PHLDB2: variants seen among roughly 807,000 people sequenced by gnomAD.
PHLDB2 encodes the protein pleckstrin homology-like domain family B member 2.
In PHLDB2, 71 loss-of-function variants were observed where a neutral mutation model predicts 123.6. The ratio of observed to expected loss-of-function variants is 0.57; its 90% CI spans 0.47 to 0.70. The LOEUF is 0.70. Among genes scored for constraint, PHLDB2 ranks in the 30% least tolerant of loss-of-function variants. PHLDB2 has a pLI of 0.00. For missense variants in PHLDB2, 1,446 were observed against 1,519.5 expected (o/e 0.95, Z 0.80); for synonymous variants, 547 against 541.6 (o/e 1.01, Z -0.14).
intron 1 of PHLDB2, among the ~76,000 whole-genome samples, chr3:111,830,507 C>CA (rs397990816): frequency 6.0e-5 from 7 of 115,854 alleles, no homozygotes; most frequent in African/African-American, 1.6e-4. Flanking sequence ...AGGAACATGG[C>CA]AAAAAAAAAA....
intron 1 of PHLDB2, among the ~76,000 whole-genome samples, chr3:111,875,419 G>T (rs75594083): frequency 0.12 from 17,965 of 151,766 alleles, 1,177 homozygotes; most frequent in East Asian, 0.16. Context: ...CAAAGTGCTG[G>T]GATTATAGGT....
At chr3:111,764,644 T>C (rs750396956) in intron 1 of PHLDB2, among the ~76,000 whole-genome samples, 1 of 152,214 alleles carries the variant, frequency 6.6e-6, no homozygotes, top group Non-Finnish European at 1.5e-5. Flanking sequence ...ATTTGTGTGA[T>C]GAAATAAAGG....
chr3:111,757,641 G>A (rs984295123), intron 1 of PHLDB2, among the ~76,000 whole-genome samples: 1 of 152,238 alleles, frequency 6.6e-6, no homozygotes, highest in Non-Finnish European at 1.5e-5. Context: ...TGGAGGAGGA[G>A]AGGCACTCTG....
At chr3:111,924,575 A>C (rs1271942172) in intron 5 of PHLDB2, among the ~76,000 whole-genome samples, 1 of 152,266 alleles carries the variant, frequency 6.6e-6, no homozygotes, top group Non-Finnish European at 1.5e-5. Context: ...CATCATGCCA[A>C]AGCGTAAGAC....
chr3:111,782,653 A>G (rs2060524857), intron 1 of PHLDB2, among the ~76,000 whole-genome samples: 1 of 151,994 alleles, frequency 6.6e-6, no homozygotes, highest in Non-Finnish European at 1.5e-5. Flanking sequence ...CTCCTGCTAG[A>G]GCTTCTTTCT....
intron 1 of PHLDB2, among the ~76,000 whole-genome samples, chr3:111,781,121 A>T (rs1344199669): frequency 2.0e-5 from 3 of 152,066 alleles, no homozygotes; most frequent in Admixed American, 6.6e-5. Flanking sequence ...TTATATTTCA[A>T]GTTGACCTCA....
intron 14 of PHLDB2, among the ~76,000 whole-genome samples, 191 bp downstream of exon 14, chr3:111,966,894 A>C (rs2071806828): frequency 6.6e-6 from 1 of 151,808 alleles, no homozygotes; most frequent in African/African-American, 2.4e-5. Context: ...ACTGCAGTGG[A>C]TTTTCCATAA....
rs1941574069 is a variant in PHLDB2, at chr3:111,733,507, G to A, written c.-49+804G>A. On this transcript the variant is annotated intron_variant, in intron 1 of 17. Coordinates refer to the PHLDB2 transcript ENST00000393923. ...CAAGACCCCCCTTCCCCAGCTCAAT[G>A]ATAAACAAACATGAGCAAAACTAAT... 1.3e-5 allele frequency among the ~76,000 whole-genome samples: 2 copies of A among 152,144 alleles called. 1 individual carries two copies. The highest frequency in any genetic ancestry group is 4.1e-4 in the South Asian group (2 of 4,822).
At chr3:111,970,667 T>A (rs543364697) in intron 16 of PHLDB2, among the ~76,000 whole-genome samples, 1 of 152,314 alleles carries the variant, frequency 6.6e-6, no homozygotes, top group African/African-American at 2.4e-5. Flanking sequence ...GAACCTCTTA[T>A]TTCCTCTTGG....
chr3:111,948,070 G>A (rs184031144), intron 9 of PHLDB2, among the ~76,000 whole-genome samples: 88 of 152,234 alleles, frequency 5.8e-4, no homozygotes, highest in African/African-American at 2.0e-3. Context: ...CCACAGATTC[G>A]GGAGTTCTGC....
rs1343695407 is a variant in PHLDB2, at chr3:111,885,238, T to C, written c.1161T>C (p.Ser387=). 11 of 1,614,144 alleles carry C rather than the reference T, an allele frequency of 6.8e-6. No homozygotes were observed. Among genetic ancestry groups the C allele is most frequent in the Non-Finnish European group, 9.3e-6 (11 of 1,180,018 alleles). The change falls in exon 2 of 18, where the codon TCT becomes TCC. Residue 387 remains serine (S), a synonymous_variant. Coordinates refer to ENST00000431670, the MANE Select transcript of PHLDB2 (RefSeq NM_001134438.2). ...CCAGGAGGAACTTCTCTTGTGGATC[T>C]GTGGAATTTGATGAGGCAGATTTGG... ...FATRRNFSCG[S]VEFDEADLES...
At chr3:111,853,245 G>A (rs1308035410) in intron 2 of PHLDB2, among the ~76,000 whole-genome samples, 1 of 152,118 alleles carries the variant, frequency 6.6e-6, no homozygotes. Context: ...GCTTGACTCT[G>A]GGCTTCCTGG....
chr3:111,952,669 C>T lies in PHLDB2; in HGVS notation c.2729C>T (p.Pro910Leu), dbSNP rs1347370671. ...PRKKTTSSIS[P>L]HFSSATMGRS... ...AAGAAAACCACATCTTCCATCTCCCCACATTTCAGCAGTGCTACTATGGGG... is the reference window on the plus strand; with the variant it reads ...AAGAAAACCACATCTTCCATCTCCCTACATTTCAGCAGTGCTACTATGGGG... Residue 910 changes from proline to leucine, a missense_variant, in exon 11 of 18, where the codon CCA becomes CTA. Physicochemically the swap from Pro to Leu is moderately conservative, Grantham distance 98. This residue lies in a region of PHLDB2 where 594 missense variants were observed against 646.0 expected (regional missense o/e 0.92). Transcript: ENST00000431670. 3 of 1,613,946 alleles carry T rather than the reference C, an allele frequency of 1.9e-6. No individual in the cohort carries two copies. Among genetic ancestry groups the T allele is most frequent in the Admixed American group, 3.3e-5 (2 of 59,988 alleles).
At chr3:111,827,516 A>C (rs975398858) in intron 1 of PHLDB2, among the ~76,000 whole-genome samples, 16 of 152,150 alleles carry the variant, frequency 1.1e-4, no homozygotes, top group African/African-American at 3.4e-4. Context: ...TCTACTAAAA[A>C]TACAAAAAAT....
intron 1 of PHLDB2, among the ~76,000 whole-genome samples, chr3:111,770,520 C>T (rs963329260): frequency 4.6e-5 from 7 of 152,190 alleles, no homozygotes; most frequent in Non-Finnish European, 1.0e-4. Flanking sequence ...GTTAGTGCAA[C>T]ACCTACACAA....
intron 1 of PHLDB2, among the ~76,000 whole-genome samples, chr3:111,759,521 T>TAC: frequency 6.6e-6 from 1 of 152,176 alleles, no homozygotes; most frequent in East Asian, 1.9e-4. Flanking sequence ...CATGTATATA[T>TAC]ACACACACAC....
At chr3:111,838,942 A>G (rs1214925586) in intron 1 of PHLDB2, among the ~76,000 whole-genome samples, 1 of 152,190 alleles carries the variant, frequency 6.6e-6, no homozygotes, top group Non-Finnish European at 1.5e-5. Flanking sequence ...CAGAATGAAT[A>G]TTCATCATTT....
intron 1 of PHLDB2, among the ~76,000 whole-genome samples, chr3:111,841,761 T>C (rs2063710283): frequency 6.6e-6 from 1 of 152,210 alleles, no homozygotes; most frequent in South Asian, 2.1e-4. Flanking sequence ...ATTTTTATTA[T>C]GAATGTGTTG....
At chr3:111,792,284 T>G (rs780534409) in intron 1 of PHLDB2, among the ~76,000 whole-genome samples, 4 of 151,924 alleles carry the variant, frequency 2.6e-5, no homozygotes, top group Non-Finnish European at 5.9e-5. Flanking sequence ...AATTCTGATA[T>G]GTATATATAT....
Sources: allele counts gnomAD v4.1 joint callset (sites outside exome capture counted in the v4.1 genomes callset), GRCh38; gene constraint gnomAD v4.1.1; regional missense constraint gnomAD v4.1.1; transcripts MANE v1.5; gene names NCBI Gene and HGNC (gene_info 2026-07-23, HGNC 2026-07-21).